GOLIM4: variants seen among roughly 807,000 people sequenced by gnomAD.
GOLIM4 encodes the protein golgi integral membrane protein 4.
In GOLIM4, 71 loss-of-function variants were observed where a neutral mutation model predicts 107.4. The ratio of observed to expected loss-of-function variants is 0.66; its 90% CI spans 0.55 to 0.81. The LOEUF (loss-of-function observed/expected upper bound fraction) is 0.81, where lower values mean the gene tolerates loss of function less well. GOLIM4 is among the 30% of genes least tolerant of loss of function. The pLI is 0.00. For synonymous variants in GOLIM4, 327 were observed against 294.8 expected (o/e 1.11, Z -1.12); for missense variants, 830 against 826.1 (o/e 1.00, Z -0.06).
At chr3:168,095,055 G>C (rs1367590486) in intron 1 of GOLIM4, 44 bp downstream of exon 1, 1 of 1,498,116 alleles carries the variant, frequency 6.7e-7, no homozygotes, top group South Asian at 1.2e-5. Context: ...GTGGAGGCGC[G>C]GGGCAAAGTT....
At chr3:168,056,499 TGCA>T (rs1719980319) in intron 1 of GOLIM4, among the ~76,000 whole-genome samples, 1 of 152,156 alleles carries the variant, frequency 6.6e-6, no homozygotes, top group Admixed American at 6.5e-5. Flanking sequence ...GCTTGCACCA[TGCA>T]CCTGGAAAAG....
chr3:168,039,767 T>C (rs541714361), intron 7 of GOLIM4, among the ~76,000 whole-genome samples: 24 of 152,190 alleles, frequency 1.6e-4, no homozygotes, highest in Non-Finnish European at 2.2e-4. Flanking sequence ...AACAGCCTCA[T>C]ATAAAATAAT....
intron 1 of GOLIM4, among the ~76,000 whole-genome samples, chr3:168,064,961 A>G (rs9823260): frequency 0.16 from 22,922 of 147,436 alleles, 3,171 homozygotes; most frequent in African/African-American, 0.37. Context: ...CCCAGAAGGG[A>G]AAAAAAAAAA....
At chr3:168,078,938 G>A (rs1169981693) in intron 1 of GOLIM4, among the ~76,000 whole-genome samples, 1 of 113,242 alleles carries the variant, frequency 8.8e-6, no homozygotes, top group African/African-American at 3.9e-5. Context: ...TTAAGTTTCA[G>A]TTGTTTTTAC....
Position 168,048,958 on chromosome 3 carries a change from AGAAG to A in GOLIM4, c.188-597_188-594del, listed in dbSNP as rs200418235. Among the ~76,000 whole-genome samples the A allele has an allele frequency of 3.3e-5, 5 of 152,292 alleles. No homozygotes were observed. In the East Asian group the frequency reaches 7.7e-4, roughly 24 times the overall value. The stretch of plus-strand genomic sequence containing the variant: ...ACAGACTAGAGAAGCACAGAAATAG[AGAAG>A]GAAGGGACTCTCCAAAGAATTTATA... On this transcript the variant is annotated intron_variant, in intron 1 of 15. Coordinates refer to ENST00000470487, the MANE Select transcript of GOLIM4 (RefSeq NM_014498.5).
chr3:168,066,653 C>A (rs1427174995), intron 1 of GOLIM4, among the ~76,000 whole-genome samples: 1 of 152,070 alleles, frequency 6.6e-6, no homozygotes, highest in South Asian at 2.1e-4. Context: ...ACAAACTATA[C>A]TTTTATAGTC....
At chr3:168,054,061 T>A (rs74535501) in intron 1 of GOLIM4, among the ~76,000 whole-genome samples, 2 of 152,162 alleles carry the variant, frequency 1.3e-5, no homozygotes, top group Admixed American at 6.5e-5. Flanking sequence ...TCTGCATCCA[T>A]CTTCAAAATT....
intron 1 of GOLIM4, among the ~76,000 whole-genome samples, chr3:168,074,806 C>G (rs1367538409): frequency 6.6e-6 from 1 of 152,084 alleles, no homozygotes; most frequent in African/African-American, 2.4e-5. Flanking sequence ...ATTTGGAAAA[C>G]AGTAAACACA....
At chr3:168,077,415 T>C (rs1376164043) in intron 1 of GOLIM4, among the ~76,000 whole-genome samples, 1 of 152,154 alleles carries the variant, frequency 6.6e-6, no homozygotes, top group Non-Finnish European at 1.5e-5. Context: ...ATGCAATCCT[T>C]TCAGCCCAGG....
intron 9 of GOLIM4, among the ~76,000 whole-genome samples, chr3:168,030,568 T>C (rs1466107508): frequency 6.7e-6 from 1 of 149,428 alleles, no homozygotes; most frequent in African/African-American, 2.5e-5. Flanking sequence ...AGATATTCAA[T>C]TTTTTTTCAA....
intron 1 of GOLIM4, among the ~76,000 whole-genome samples, chr3:168,063,716 G>A (rs1406187224): frequency 1.4e-5 from 2 of 137,990 alleles, no homozygotes; most frequent in East Asian, 5.1e-4. Context: ...AGAAAGGGCA[G>A]GGGAGTGGGG....
intron 1 of GOLIM4, among the ~76,000 whole-genome samples, chr3:168,057,116 T>A (rs1720017941): frequency 6.6e-6 from 1 of 152,076 alleles, no homozygotes; most frequent in Non-Finnish European, 1.5e-5. Flanking sequence ...GGTGAATAAG[T>A]CTAACGAGAG....
At chr3:168,040,671 C>A in intron 7 of GOLIM4, 115 bp downstream of exon 7, 1 of 624,340 alleles carries the variant, frequency 1.6e-6, no homozygotes, top group South Asian at 2.3e-5. Flanking sequence ...ATTAGGATAG[C>A]TCTGTCCTAA....
At chr3:168,035,372 T>C (rs1455956716) in intron 8 of GOLIM4, among the ~76,000 whole-genome samples, 2 of 152,200 alleles carry the variant, frequency 1.3e-5, no homozygotes, top group African/African-American at 4.8e-5. Flanking sequence ...CTATTCACAA[T>C]AGCAAAGACA....
rs1311590703 is a variant in GOLIM4, at chr3:168,010,837, C to A, written c.1861-14G>T. On this transcript the variant is annotated splice_polypyrimidine_tract_variant and intron_variant, in intron 14 of 15. Coordinates refer to ENST00000470487, the MANE Select transcript of GOLIM4 (RefSeq NM_014498.5). Reference sequence around the variant, plus strand: ...ATCTTCCTGAACCTAAAACAAACCACAGATATCATTTAAACACTTTTGTCT... The same window carrying A: ...ATCTTCCTGAACCTAAAACAAACCAAAGATATCATTTAAACACTTTTGTCT... 1 of 1,564,350 alleles carries A rather than the reference C, an allele frequency of 6.4e-7. No individual in the cohort carries two copies. Among genetic ancestry groups the A allele is most frequent in the Admixed American group, 1.7e-5 (1 of 59,970 alleles).
At chr3:168,082,303 T>C (rs1438999066) in intron 1 of GOLIM4, among the ~76,000 whole-genome samples, 6 of 152,108 alleles carry the variant, frequency 3.9e-5, no homozygotes, top group South Asian at 2.1e-4. Flanking sequence ...TGGTGCTGGA[T>C]AGGAGGCAGT....
intron 1 of GOLIM4, among the ~76,000 whole-genome samples, chr3:168,088,738 T>C (rs549534459): frequency 6.6e-6 from 1 of 152,368 alleles, no homozygotes; most frequent in South Asian, 2.1e-4. Flanking sequence ...TCCAATCCTT[T>C]GCTTTTTGAT....
intron 1 of GOLIM4, among the ~76,000 whole-genome samples, chr3:168,068,841 T>C (rs9873776): frequency 6.9e-6 from 1 of 145,430 alleles, no homozygotes; most frequent in African/African-American, 2.7e-5. Context: ...TATTTTATTT[T>C]TTTTTTTTTT....
chr3:168,079,642 T>C (rs890977863), intron 1 of GOLIM4, among the ~76,000 whole-genome samples: 4 of 152,208 alleles, frequency 2.6e-5, no homozygotes, highest in Non-Finnish European at 4.4e-5. Context: ...ACATGCCCAA[T>C]ACTTTGTTCA....
Sources: allele counts gnomAD v4.1 joint callset (sites outside exome capture counted in the v4.1 genomes callset), GRCh38; gene constraint gnomAD v4.1.1; transcripts MANE v1.5; gene names NCBI Gene and HGNC (gene_info 2026-07-23, HGNC 2026-07-21).